Variants in KLC1 observed in about 807,000 individuals in gnomAD.
KLC1 encodes kinesin light chain 1, also known as kinesin 2 60/70kDa.
KLC1 carries 30 observed loss-of-function variants against 84.2 expected under a neutral mutation model. That is an observed-to-expected ratio of 0.36 (90% CI 0.27 to 0.48). The LOEUF (loss-of-function observed/expected upper bound fraction) is 0.48. KLC1 is among the 20% of genes least tolerant of loss of function. The pLI, the probability that KLC1 is intolerant of heterozygous loss-of-function variation, is 0.99. For synonymous variants in KLC1, 289 were observed against 293.3 expected, an observed-to-expected ratio of 0.99 and a Z score of 0.15; for missense variants, 499 against 805.4, an observed-to-expected ratio of 0.62 and a Z score of 4.60.
chr14:103,672,099 G>A (rs1328300550), intron 7 of KLC1, among the ~76,000 whole-genome samples: 3 of 152,218 alleles, frequency 2.0e-5, no homozygotes, highest in African/African-American at 7.2e-5. Context: ...AGCTCTGGGA[G>A]GATATGAAGT....
chr14:103,675,834 A>C (rs1017149624), intron 11 of KLC1, 78 bp downstream of exon 11: 2 of 1,163,348 alleles, frequency 1.7e-6, no homozygotes, highest in African/African-American at 1.5e-5. Context: ...GCAGCTTATA[A>C]ATGACCAATG....
chr14:103,642,320 T>TA (rs1176456186), intron 1 of KLC1, among the ~76,000 whole-genome samples: 1 of 152,130 alleles, frequency 6.6e-6, no homozygotes, highest in Admixed American at 6.6e-5. Flanking sequence ...CTAAAAGCAT[T>TA]ACTCTAGGCA....
chr14:103,698,563 A>T (rs2082773090), intron 15 of KLC1: 1 of 567,930 alleles, frequency 1.8e-6, no homozygotes, highest in Admixed American at 3.0e-5. Flanking sequence ...GGGACCAGGT[A>T]CCCAGCAAGC....
rs565355801 is a variant in KLC1, at chr14:103,673,544, T to C, written c.1261+113T>C. The stretch of plus-strand genomic sequence containing the variant: ...TTAAGCACTTAACTTTGTACATCAC[T>C]AAGCTAAATAGTTTAAATGTGTGAT... On this transcript the variant is annotated intron_variant, in intron 9 of 16. Transcript: ENST00000334553. 50 of 646,410 alleles carry C rather than the reference T, an allele frequency of 7.7e-5. 1 individual carries two copies. The highest frequency in any genetic ancestry group is 7.4e-4 in the African/African-American group (39 of 52,486). The allele number at this position is 646,410 out of a possible 1,614,324, so 40.0% of individuals were successfully genotyped here. A position where few individuals can be genotyped will look rare whatever the true frequency, so the allele number is the denominator to read the frequency against.
intron 14 of KLC1, among the ~76,000 whole-genome samples, chr14:103,692,077 G>C (rs1176868657): frequency 6.6e-6 from 1 of 152,174 alleles, no homozygotes; most frequent in Non-Finnish European, 1.5e-5. Flanking sequence ...GTCTAGATGA[G>C]CCACTTTTTA....
At chr14:103,650,231 TA>T (rs201285430) in intron 1 of KLC1, among the ~76,000 whole-genome samples, 7,996 of 33,282 alleles carry the variant, frequency 0.24, 242 homozygotes, top group Middle Eastern at 0.42. Context: ...GAGCCTGTAC[TA>T]TTGTTCCAGG....
chr14:103,664,781 C>G (rs1252486415), intron 5 of KLC1, among the ~76,000 whole-genome samples: 1 of 146,152 alleles, frequency 6.8e-6, no homozygotes, highest in East Asian at 2.0e-4. Context: ...CCCCATAGTG[C>G]TAGGATTACA....
chr14:103,657,179 G>A (rs1399476488), intron 2 of KLC1, among the ~76,000 whole-genome samples: 2 of 152,100 alleles, frequency 1.3e-5, no homozygotes, highest in Non-Finnish European at 2.9e-5. Flanking sequence ...GTGTGTACAC[G>A]AGGTCTTACA....
chr14:103,636,901 G>A lies in KLC1; in HGVS notation c.-2+7407G>A, dbSNP rs577107178. Among the ~76,000 whole-genome samples, 144 of 147,616 alleles carry A rather than the reference G, an allele frequency of 9.8e-4. 3 individuals are homozygous for A. The East Asian group carries it at 0.021, about 22-fold the overall frequency. On this transcript the variant is annotated intron_variant, in intron 1 of 16. Coordinates refer to ENST00000334553, the MANE Select transcript of KLC1 (RefSeq NM_001394837.1). ...CCACGCCCAGCTAATTTTTTTTTTTGTTGTATTTTTATTAGATATGGGTTT... is the reference window on the plus strand; with the variant it reads ...CCACGCCCAGCTAATTTTTTTTTTTATTGTATTTTTATTAGATATGGGTTT...
intron 13 of KLC1, chr14:103,685,410 A>G: frequency 8.4e-7 from 1 of 1,194,380 alleles, no homozygotes; most frequent in Non-Finnish European, 1.1e-6. Flanking sequence ...TTTGATGACC[A>G]TTGGGAATGG....
At position 103,654,702 on chromosome 14, in the gene KLC1, A is replaced by G. The variant is rs1360180668; in HGVS notation, c.138A>G (p.Leu46=). The stretch of plus-strand genomic sequence containing the variant: ...TGAAGAATGAGCACAATTCCATTTT[A>G]CAAAGTTTGCTGGAGACACTGAAGT... ...EALKNEHNSI[L]QSLLETLKCL... The change falls in exon 2 of 17, where the codon TTA becomes TTG. Residue 46 remains leucine (L), a synonymous_variant. Transcript: ENST00000334553. 6.2e-7 allele frequency: 1 copy of G among 1,614,118 alleles called. No homozygotes were observed. Among genetic ancestry groups the G allele is most frequent in the Non-Finnish European group, 8.5e-7 (1 of 1,180,044 alleles).
chr14:103,657,845 C>T, intron 3 of KLC1, 69 bp downstream of exon 3: 2 of 1,124,454 alleles, frequency 1.8e-6, no homozygotes, highest in Admixed American at 2.0e-5. Context: ...CATAGAGGTT[C>T]TGTTTGCCAT....
intron 11 of KLC1, among the ~76,000 whole-genome samples, chr14:103,676,480 G>C (rs1301266819): frequency 6.6e-6 from 1 of 152,142 alleles, no homozygotes; most frequent in Non-Finnish European, 1.5e-5. Flanking sequence ...TGGCCAGGCT[G>C]GTTTTGAACT....
At position 103,673,196 on chromosome 14, in the gene KLC1, A is replaced by G; in HGVS notation, c.1161+9A>G. On this transcript the variant is annotated intron_variant, in intron 8 of 16. Transcript: ENST00000334553. ...AGACGAAAAATAACCTGGTGTGTTG[A>G]CTGCACAGCACTAGGGAGGGGGCCA... The G allele has an allele frequency of 6.2e-7, 1 of 1,609,014 alleles. No homozygotes were observed. Among genetic ancestry groups the G allele is most frequent in the Non-Finnish European group, 8.5e-7 (1 of 1,177,716 alleles).
chr14:103,659,437 C>T lies in KLC1; in HGVS notation c.492+1661C>T, dbSNP rs2079106275. Among the ~76,000 whole-genome samples the T allele has an allele frequency of 2.6e-5, 4 of 152,184 alleles. No homozygotes were observed. The South Asian group carries it at 8.3e-4, about 32-fold the overall frequency. On this transcript the variant is annotated intron_variant, in intron 3 of 16. Coordinates refer to ENST00000334553, the MANE Select transcript of KLC1 (RefSeq NM_001394837.1). ...TTGATGTGCCCATAACCCAGTCTCC[C>T]CTGATCGTCCATAATCATAGAACAG...
chr14:103,663,178 C>T lies in KLC1; in HGVS notation c.797+251C>T, dbSNP rs1009255002. 1.3e-4 allele frequency among the ~76,000 whole-genome samples: 19 copies of T among 151,432 alleles called. No homozygotes were observed. In the East Asian group the frequency reaches 3.1e-3, roughly 25 times the overall value. ...CACTGCAAGCTCCGCCTCCCGGGTT[C>T]ACGCCATTCTCCTGCCTCAGCCTCC... On this transcript the variant is annotated intron_variant, in intron 5 of 16. Transcript: ENST00000334553.
rs947308188 is a variant in KLC1 at position 103,692,393 on chromosome 14, G to A, written c.1816G>A (p.Val606Met). ...KRASSLNVLN[V>M]GGKAAEDRFQ... ...TGCCAGCTCTCTGAATGTCCTTAAC[G>A]TGGGTGGCAAGGCTGCTGAAGATCG... Residue 606 changes from valine to methionine, a missense_variant, in exon 15 of 17, where the codon GTG (valine) becomes ATG (methionine). Around this residue, in one of 3 missense-constraint regions of KLC1, gnomAD observed 167 missense variants for 208.8 expected, o/e 0.80. Transcript: ENST00000334553. The A allele has an allele frequency of 1.3e-6, 2 of 1,536,574 alleles. No individual in the cohort carries two copies. Among genetic ancestry groups the A allele is most frequent in the African/African-American group, 1.4e-5 (1 of 73,042 alleles).
At position 103,692,366 on chromosome 14, in the gene KLC1, C is replaced by T. The variant is rs755949977; in HGVS notation, c.1789C>T (p.Arg597Cys). Reference sequence around the variant, plus strand: ...TCCGTGTCCGGGTTGCAGCATGAAGCGTGCCAGCTCTCTGAATGTCCTTAA... The same window carrying T: ...TCCGTGTCCGGGTTGCAGCATGAAGTGTGCCAGCTCTCTGAATGTCCTTAA... Reference protein sequence around the residue: ...ESEPKNPGMKRASSLNVLNVG... With the variant: ...ESEPKNPGMKCASSLNVLNVG... Residue 597 changes from arginine (R) to cysteine (C), a missense_variant, in exon 15 of 17, where the codon CGT becomes TGT. Physicochemically the swap from Arg to Cys is radical, Grantham distance 180 (BLOSUM62 -3). Transcript: ENST00000334553. The T allele has an allele frequency of 4.6e-6, 7 of 1,536,656 alleles. No homozygotes were observed. Among genetic ancestry groups the T allele is most frequent in the South Asian group, 2.4e-5 (2 of 84,070 alleles).
Position 103,700,696 on chromosome 14 carries a change from G to A in KLC1, c.1890G>A (p.Gln630=). 2 of 1,605,912 alleles carry A rather than the reference G, an allele frequency of 1.2e-6. No individual in the cohort carries two copies. The highest frequency in any genetic ancestry group is 1.7e-6 in the Non-Finnish European group (2 of 1,176,880). ...GRASFCGKRQ[Q]QQWPGRRHR ...CCTCTTTTTGTGGAAAACGACAGCA[G>A]CAGCAGTGGCCTGGAAGACGCCACC... Residue 630 remains glutamine (Q), a synonymous_variant, in exon 16 of 17, where the codon CAG becomes CAA. Transcript: ENST00000334553.
Sources: allele counts gnomAD v4.1 joint callset (sites outside exome capture counted in the v4.1 genomes callset), GRCh38; gene constraint gnomAD v4.1.1; regional missense constraint gnomAD v4.1.1; transcripts MANE v1.5; gene names NCBI Gene and HGNC (gene_info 2026-07-23, HGNC 2026-07-21).